The following TENM3 variants were observed in gnomAD, a reference collection of about 807,000 sequenced individuals.
The protein encoded by TENM3 is teneurin-3.
Under a neutral mutation model 255.1 loss-of-function variants are expected in TENM3, and 63 were observed. That is an observed-to-expected ratio of 0.25 (90% CI 0.20 to 0.30). TENM3 has a LOEUF of 0.30. TENM3 is among the 10% of genes least tolerant of loss of function. The pLI, the probability that TENM3 is intolerant of heterozygous loss-of-function variation, is 1.00. For synonymous variants in TENM3, 1,306 were observed against 1,322.3 expected (o/e 0.99, Z 0.27); for missense variants, 2,929 against 3,461.1 (o/e 0.85, Z 3.86).
At chr4:182,182,341 G>A (rs1315354720) in intron 1 of TENM3, among the ~76,000 whole-genome samples, 1 of 152,088 alleles carries the variant, frequency 6.6e-6, no homozygotes, top group East Asian at 1.9e-4. Flanking sequence ...TTCTAAGCTT[G>A]AACTTAATGT....
chr4:182,690,248 C>T (rs976946662), intron 12 of TENM3, among the ~76,000 whole-genome samples: 1 of 152,210 alleles, frequency 6.6e-6, no homozygotes, highest in African/African-American at 2.4e-5. Context: ...AGTCATAGCG[C>T]TTGCACAGGG....
At chr4:182,059,763 GAA>G in the TENM3 span, among the ~76,000 whole-genome samples, 77 of 86,646 alleles carry the variant, frequency 8.9e-4, no homozygotes, top group African/African-American at 3.1e-3. Context: ...AAAAAAAAAA[GAA>G]AAAAAAAAAA....
At chr4:181,565,180 G>T in the TENM3 span, among the ~76,000 whole-genome samples, 1 of 152,136 alleles carries the variant, frequency 6.6e-6, no homozygotes, top group Non-Finnish European at 1.5e-5. Context: ...CTGAGTTAAA[G>T]ACTGCTCTTT....
At chr4:182,260,017 C>T (rs867218455) in intron 1 of TENM3, among the ~76,000 whole-genome samples, 4 of 152,126 alleles carry the variant, frequency 2.6e-5, no homozygotes, top group African/African-American at 4.8e-5. Flanking sequence ...GCTTATTTCA[C>T]GTAACGTAAT....
intron 25 of TENM3, among the ~76,000 whole-genome samples, chr4:182,791,863 G>GA (rs758637499): frequency 6.6e-6 from 1 of 152,096 alleles, no homozygotes; most frequent in Non-Finnish European, 1.5e-5. Flanking sequence ...ATGAGGGGGG[G>GA]AAAGCCACCT....
the TENM3 span, among the ~76,000 whole-genome samples, chr4:182,010,793 G>T: frequency 6.6e-6 from 1 of 152,154 alleles, no homozygotes; most frequent in Non-Finnish European, 1.5e-5. Context: ...TCCTTAGCAA[G>T]GTCCTATATG....
At chr4:181,579,974 AT>A in the TENM3 span, among the ~76,000 whole-genome samples, 7 of 132,280 alleles carry the variant, frequency 5.3e-5, no homozygotes, top group Admixed American at 7.3e-5. Flanking sequence ...ATTTTATTTT[AT>A]TTTATTTTAT....
chr4:182,382,478 C>T (rs1396817809), intron 3 of TENM3, among the ~76,000 whole-genome samples: 2 of 152,190 alleles, frequency 1.3e-5, no homozygotes, highest in South Asian at 2.1e-4. Flanking sequence ...CTCTCATTCA[C>T]ACTGCAGTTG....
intron 1 of TENM3, among the ~76,000 whole-genome samples, chr4:182,155,974 A>G (rs1468556057): frequency 6.7e-6 from 1 of 150,296 alleles, no homozygotes; most frequent in African/African-American, 2.4e-5. Context: ...AGCCACTATC[A>G]GATTCTAATC....
chr4:181,935,983 C>T, the TENM3 span, among the ~76,000 whole-genome samples: 1 of 152,252 alleles, frequency 6.6e-6, no homozygotes, highest in African/African-American at 2.4e-5. Flanking sequence ...TTGTTCATAT[C>T]CAAGCTATGT....
chr4:182,420,398 TTC>T (rs914677364), intron 3 of TENM3, among the ~76,000 whole-genome samples: 2 of 152,190 alleles, frequency 1.3e-5, no homozygotes, highest in African/African-American at 4.8e-5. Flanking sequence ...ATTCATAACT[TTC>T]TCTCTCAGTC....
At chr4:182,684,559 T>TTA (rs1366649233) in intron 11 of TENM3, among the ~76,000 whole-genome samples, 1 of 152,120 alleles carries the variant, frequency 6.6e-6, no homozygotes, top group Non-Finnish European at 1.5e-5. Flanking sequence ...CAGGACTACT[T>TTA]TATACAGTTG....
chr4:182,049,856 A>G, the TENM3 span, among the ~76,000 whole-genome samples: 1 of 152,212 alleles, frequency 6.6e-6, no homozygotes, highest in African/African-American at 2.4e-5. Context: ...GGAACAATTA[A>G]GAACTTGGTG....
chr4:181,496,351 C>A, the TENM3 span, among the ~76,000 whole-genome samples: 1 of 116,166 alleles, frequency 8.6e-6, no homozygotes, highest in Non-Finnish European at 1.5e-5. Context: ...GATTAAATTT[C>A]TTCACTGTTC....
chr4:181,738,295 A>C, the TENM3 span, among the ~76,000 whole-genome samples: 1 of 152,216 alleles, frequency 6.6e-6, no homozygotes, highest in Admixed American at 6.5e-5. Context: ...CCTCCCTTAG[A>C]AAAAATAAAA....
the TENM3 span, among the ~76,000 whole-genome samples, chr4:181,539,201 A>G: frequency 6.6e-6 from 1 of 152,220 alleles, no homozygotes; most frequent in African/African-American, 2.4e-5. Flanking sequence ...AGGGAAAACT[A>G]AAAAGGAGGG....
chr4:182,018,051 A>G, the TENM3 span, among the ~76,000 whole-genome samples: 1 of 152,168 alleles, frequency 6.6e-6, no homozygotes, highest in South Asian at 2.1e-4. Context: ...ACTGGAAATG[A>G]TGTTGTGATC....
intron 4 of TENM3, among the ~76,000 whole-genome samples, chr4:182,603,418 TTTG>T (rs1398012105): frequency 6.6e-6 from 1 of 152,128 alleles, no homozygotes; most frequent in African/African-American, 2.4e-5. Context: ...GCAGTATAGT[TTTG>T]TTGTTTTCTC....
chr4:181,657,074 A>G, the TENM3 span, among the ~76,000 whole-genome samples: 1 of 152,242 alleles, frequency 6.6e-6, no homozygotes, highest in Non-Finnish European at 1.5e-5. Flanking sequence ...AGTAAAAAGA[A>G]CGAAGAGGGA....
Sources: allele counts gnomAD v4.1 joint callset (sites outside exome capture counted in the v4.1 genomes callset), GRCh38; gene constraint gnomAD v4.1.1; transcripts MANE v1.5; gene names NCBI Gene and HGNC (gene_info 2026-07-23, HGNC 2026-07-21).